The following HAVCR1 variants were observed in gnomAD, a reference collection of about 807,000 sequenced individuals.
The protein encoded by HAVCR1 is T cell immunoglobin domain and mucin domain protein 1.
In HAVCR1, 34 loss-of-function variants were observed where a neutral mutation model predicts 32.0. That is an observed-to-expected ratio of 1.06 (90% CI 0.81 to 1.42). HAVCR1 has a LOEUF of 1.42. HAVCR1 is among the 40% of genes most tolerant of loss of function. HAVCR1 has a pLI of 0.00. For missense variants in HAVCR1, 420 were observed against 442.3 expected, an observed-to-expected ratio of 0.95 and a Z score of 0.45; for synonymous variants, 178 against 170.3, an observed-to-expected ratio of 1.05 and a Z score of -0.35.
At chr5:157,048,844 A>AAC (rs57620461) in intron 5 of HAVCR1, among the ~76,000 whole-genome samples, 194 bp downstream of exon 5, 2,433 of 150,008 alleles carry the variant, frequency 0.016, 25 homozygotes, top group South Asian at 0.046. Context: ...AAAAAAAGAA[A>AAC]ACACACACAC....
intron 8 of HAVCR1, among the ~76,000 whole-genome samples, chr5:157,030,673 G>A (rs1754122067): frequency 6.6e-6 from 1 of 152,186 alleles, no homozygotes; most frequent in Non-Finnish European, 1.5e-5. Flanking sequence ...AGAAACAGTG[G>A]AAATACAAGT....
chr5:157,059,140 A>G (rs1268351860), upstream of HAVCR1: 1 of 152,222 alleles, frequency 6.6e-6, no homozygotes, highest in Non-Finnish European at 1.5e-5. Flanking sequence ...TTTGGAGAAT[A>G]CTATATAGCA....
intron 2 of HAVCR1, 141 bp downstream of exon 2, chr5:157,057,757 T>G (rs546816704): frequency 5.0e-5 from 33 of 666,058 alleles, no homozygotes; most frequent in South Asian, 1.1e-4. Flanking sequence ...GCTCACTAGT[T>G]AACTCATAGC....
chr5:157,054,926 A>G (rs930912554), intron 3 of HAVCR1, among the ~76,000 whole-genome samples: 2 of 152,184 alleles, frequency 1.3e-5, no homozygotes, highest in African/African-American at 4.8e-5. Flanking sequence ...GCATCTGCAG[A>G]TTTTGGTATC....
Position 157,052,499 on chromosome 5 carries a change from G to T in HAVCR1, c.535C>A (p.Leu179Met), listed in dbSNP as rs1259856748. Residue 179 changes from leucine to methionine, a missense_variant, in exon 4 of 9, where the codon CTG becomes ATG. Coordinates refer to ENST00000523175, the MANE Select transcript of HAVCR1 (RefSeq NM_001173393.3). ...TMSIPTTTTV[L>M]TTMTVSTTTS... ...GTCGTTGAAACAGTCATTGTCGTCAGAACAGTCGTTGTCGTTGGAATGCTC... is the reference window on the plus strand; with the variant it reads ...GTCGTTGAAACAGTCATTGTCGTCATAACAGTCGTTGTCGTTGGAATGCTC... The T allele has an allele frequency of 6.2e-7, 1 of 1,600,752 alleles. No homozygotes were observed. Among genetic ancestry groups the T allele is most frequent in the African/African-American group, 1.3e-5 (1 of 74,446 alleles).
rs866370311 is a variant in HAVCR1 at position 157,036,340 on chromosome 5, G to A, written c.952+907C>T. Among the ~76,000 whole-genome samples, 61 of 152,254 alleles carry A rather than the reference G, an allele frequency of 4.0e-4. 1 individual carries two copies. The highest frequency in any genetic ancestry group is 1.3e-3 in the African/African-American group (54 of 41,562). ...AAAAAATACAAAAAATTAGCCGGGC[G>A]TGGTGGCGGGCGCCTGTAGTCCCAG... is the stretch of plus-strand genomic sequence containing the variant. On this transcript the variant is annotated intron_variant, in intron 7 of 8. Coordinates refer to ENST00000523175, the MANE Select transcript of HAVCR1 (RefSeq NM_001173393.3).
chr5:157,046,126 G>C (rs918710571), intron 5 of HAVCR1, among the ~76,000 whole-genome samples: 1 of 152,172 alleles, frequency 6.6e-6, no homozygotes, highest in African/African-American at 2.4e-5. Flanking sequence ...GAATCACACT[G>C]CAGGTCCATT....
upstream of HAVCR1, among the ~76,000 whole-genome samples, chr5:157,063,066 G>A (rs1756521691): frequency 6.6e-6 from 1 of 150,592 alleles, no homozygotes; most frequent in Admixed American, 6.7e-5. Flanking sequence ...GTTGCAGTGA[G>A]CTGAGATCAC....
At chr5:157,065,227 G>A in the HAVCR1 span, among the ~76,000 whole-genome samples, 2 of 152,144 alleles carry the variant, frequency 1.3e-5, no homozygotes, top group Non-Finnish European at 2.9e-5. Context: ...GCTGAGGCAG[G>A]AGAATGGTGT....
intron 1 of HAVCR1, 111 bp from the exon 2 acceptor site, chr5:157,058,066 A>G (rs572627902): frequency 1.3e-6 from 1 of 759,042 alleles, no homozygotes; most frequent in African/African-American, 1.7e-5. Context: ...GTTGATTCAT[A>G]TGAGCCTGCT....
chr5:157,031,949 CTG>C (rs1754198975), intron 8 of HAVCR1, among the ~76,000 whole-genome samples: 1 of 152,078 alleles, frequency 6.6e-6, no homozygotes, highest in Non-Finnish European at 1.5e-5. Flanking sequence ...CTGTGGAAAA[CTG>C]GAGGCACTTG....
At chr5:157,044,427 G>GA (rs372416199) in intron 5 of HAVCR1, among the ~76,000 whole-genome samples, 4,796 of 26,564 alleles carry the variant, frequency 0.18, 330 homozygotes, top group African/African-American at 0.26. Context: ...GAAGGAGAAA[G>GA]AAAGAAAGAA....
chr5:157,057,453 AAGAAAGAAAGAG>A (rs1756272371), intron 2 of HAVCR1, among the ~76,000 whole-genome samples: 6 of 109,790 alleles, frequency 5.5e-5, no homozygotes, highest in African/African-American at 2.0e-4. Context: ...GAAAGAAAGA[AAGAAAGAAAGAG>A]AATTGAATGT....
chr5:157,055,392 C>T lies in HAVCR1; in HGVS notation c.188G>A (p.Trp63Ter). The T allele has an allele frequency of 6.2e-7, 1 of 1,613,534 alleles. No individual in the cohort carries two copies. Among genetic ancestry groups the T allele is most frequent in the Non-Finnish European group, 8.5e-7 (1 of 1,179,452 alleles). Residue 63 changes from tryptophan (W) to a stop codon, truncating the protein, a stop_gained, in exon 3 of 9, where the codon TGG becomes TAG. Transcript: ENST00000523175. LOFTEE classifies it high-confidence loss of function. ...ATAGGTGACGTGGGTTCCATTGGTC[C>T]AGACAATGCCATTTTGGCATGTGAA... Reference protein sequence around the residue: ...SLFTCQNGIVWTNGTHVTYRK... With the variant: ...SLFTCQNGIV
At chr5:157,048,098 G>T (rs544989184) in intron 5 of HAVCR1, among the ~76,000 whole-genome samples, 1 of 152,166 alleles carries the variant, frequency 6.6e-6, no homozygotes, top group Non-Finnish European at 1.5e-5. Flanking sequence ...CCTTAATAGC[G>T]AGGACACAAA....
intron 2 of HAVCR1, among the ~76,000 whole-genome samples, chr5:157,057,676 C>A (rs1466236157): frequency 6.6e-6 from 1 of 152,180 alleles, no homozygotes; most frequent in Non-Finnish European, 1.5e-5. Flanking sequence ...TTGCCTTGTT[C>A]ATTTAGCCAT....
intron 4 of HAVCR1, 42 bp from the exon 5 acceptor site, chr5:157,049,187 A>C: frequency 1.7e-6 from 2 of 1,183,262 alleles, no homozygotes; most frequent in Non-Finnish European, 2.5e-6. Context: ...TTTGTGGAGG[A>C]AAATGTGCAC....
chr5:157,030,335 G>A (rs1313047019), intron 8 of HAVCR1, among the ~76,000 whole-genome samples: 2 of 152,150 alleles, frequency 1.3e-5, no homozygotes, highest in East Asian at 1.9e-4. Flanking sequence ...TAGTTAAATA[G>A]TACTGTTTCA....
chr5:157,037,881 C>T (rs558853603), intron 6 of HAVCR1, among the ~76,000 whole-genome samples: 416 of 152,020 alleles, frequency 2.7e-3, no homozygotes, highest in Middle Eastern at 0.024. Context: ...GGGTGTGGTG[C>T]TGCACGCCTG....
Sources: allele counts gnomAD v4.1 joint callset (sites outside exome capture counted in the v4.1 genomes callset), GRCh38; gene constraint gnomAD v4.1.1; transcripts MANE v1.5; gene names NCBI Gene and HGNC (gene_info 2026-07-23, HGNC 2026-07-21).